Variants in HTR2C observed in about 807,000 individuals in gnomAD.
HTR2C encodes the protein 5-hydroxytryptamine receptor 2C, also known as 5-hydroxytryptamine (serotonin) receptor 2C, G protein-coupled.
Under a neutral mutation model 21.0 loss-of-function variants are expected in HTR2C, and 5 were observed. The ratio of observed to expected loss-of-function variants is 0.24; its 90% CI spans 0.12 to 0.50. The LOEUF (loss-of-function observed/expected upper bound fraction) is 0.50, where lower values mean the gene tolerates loss of function less well. HTR2C is among the 20% of genes least tolerant of loss of function. The probability of loss-of-function intolerance (pLI) is 0.98; values close to 1 mark genes in which losing one functional copy is unlikely to be tolerated. For synonymous variants in HTR2C, 150 were observed against 145.3 expected, an observed-to-expected ratio of 1.03 and a Z score of -0.23; for missense variants, 271 against 371.2, an observed-to-expected ratio of 0.73 and a Z score of 2.22.
intron 5 of HTR2C, among the ~76,000 whole-genome samples, chrX:114,851,141 A>T (rs1556469130): frequency 8.9e-6 from 1 of 111,969 alleles, no homozygotes; most frequent in Non-Finnish European, 1.9e-5. Context: ...AACTTCAGGG[A>T]CAGATAGACA....
intron 4 of HTR2C, among the ~76,000 whole-genome samples, chrX:114,817,461 A>G (rs1030431581): frequency 3.6e-5 from 4 of 112,235 alleles, no homozygotes; most frequent in African/African-American, 1.3e-4. Flanking sequence ...AAATTTACAG[A>G]AATTCTCTGA....
chrX:114,823,735 G>A (rs782720028), intron 4 of HTR2C, among the ~76,000 whole-genome samples: 2 of 111,642 alleles, frequency 1.8e-5, no homozygotes, highest in Admixed American at 1.9e-4. Context: ...CAGTGGGTAT[G>A]TGAGTGGATC....
intron 1 of HTR2C, among the ~76,000 whole-genome samples, chrX:114,589,416 C>CA (rs1927537601): frequency 9.0e-6 from 1 of 111,408 alleles, no homozygotes; most frequent in Admixed American, 9.6e-5. Flanking sequence ...ACTGGACAGG[C>CA]AGATGTTACT....
intron 1 of HTR2C, among the ~76,000 whole-genome samples, chrX:114,611,270 C>G (rs782010237): frequency 1.8e-5 from 2 of 112,005 alleles, no homozygotes; most frequent in East Asian, 5.7e-4. Context: ...TCATTCCCTC[C>G]CAGGGTACTT....
intron 5 of HTR2C, among the ~76,000 whole-genome samples, chrX:114,850,787 G>A (rs2070910674): frequency 9.0e-6 from 1 of 111,186 alleles, no homozygotes; most frequent in Non-Finnish European, 1.9e-5. Flanking sequence ...CTAATTATAT[G>A]AATTACTAAG....
intron 2 of HTR2C, among the ~76,000 whole-genome samples, chrX:114,677,318 T>A (rs1444759521): frequency 3.6e-5 from 4 of 111,319 alleles, no homozygotes; most frequent in Non-Finnish European, 5.7e-5. Flanking sequence ...ATTGGAATAA[T>A]CTAGATGAAA....
chrX:114,826,178 C>T (rs2070676728), intron 4 of HTR2C, among the ~76,000 whole-genome samples: 2 of 109,450 alleles, frequency 1.8e-5, no homozygotes, highest in African/African-American at 3.3e-5. Flanking sequence ...TCAGGTGATC[C>T]TCCTGCCTCA....
chrX:114,688,191 C>T (rs1931981998), intron 2 of HTR2C, among the ~76,000 whole-genome samples: 1 of 108,610 alleles, frequency 9.2e-6, no homozygotes, highest in Non-Finnish European at 1.9e-5. Flanking sequence ...TGTGGTGGCA[C>T]CTGCCTGTAA....
chrX:114,660,050 A>G (rs1177188497), intron 2 of HTR2C, among the ~76,000 whole-genome samples: 2 of 112,199 alleles, frequency 1.8e-5, no homozygotes, highest in African/African-American at 6.5e-5. Flanking sequence ...ATAGATAAGA[A>G]GTGAATTTAC....
intron 4 of HTR2C, among the ~76,000 whole-genome samples, chrX:114,812,109 C>A (rs190170519): frequency 2.7e-5 from 3 of 109,212 alleles, no homozygotes; most frequent in East Asian, 5.8e-4. Context: ...ACCCACCCCC[C>A]ACAACAGGAC....
intron 2 of HTR2C, among the ~76,000 whole-genome samples, chrX:114,619,273 AC>A (rs200637347): frequency 0.034 from 3,837 of 111,372 alleles, 171 homozygotes; most frequent in African/African-American, 0.12. Flanking sequence ...CTCCATTTCT[AC>A]AAACATCATA....
chrX:114,890,107 T>G (rs782289257), intron 5 of HTR2C, among the ~76,000 whole-genome samples: 1 of 112,117 alleles, frequency 8.9e-6, no homozygotes, highest in Non-Finnish European at 1.9e-5. Context: ...TTTCTTAGTA[T>G]GCAATTTCAA....
intron 1 of HTR2C, among the ~76,000 whole-genome samples, chrX:114,596,802 A>G (rs1042166335): frequency 9.8e-5 from 11 of 112,495 alleles, no homozygotes; most frequent in African/African-American, 3.2e-4. Flanking sequence ...CTATAAAATA[A>G]TTTCAAAAGA....
At chrX:114,757,015 A>T (rs1198627966) in intron 4 of HTR2C, among the ~76,000 whole-genome samples, 1 of 111,501 alleles carries the variant, frequency 9.0e-6, no homozygotes, top group Non-Finnish European at 1.9e-5. Flanking sequence ...GGAGACCTTG[A>T]TCTCTCTAGT....
chrX:114,794,678 C>T (rs1556444659), intron 4 of HTR2C, among the ~76,000 whole-genome samples: 1 of 108,243 alleles, frequency 9.2e-6, no homozygotes, highest in Non-Finnish European at 1.9e-5. Context: ...TTTCCAGTTT[C>T]ATCCATGTCC....
At chrX:114,652,681 G>T (rs782757553) in intron 2 of HTR2C, 2 of 375,934 alleles carry the variant, frequency 5.3e-6, no homozygotes, top group East Asian at 7.6e-5. Context: ...TTTGTTGAAA[G>T]AATAAATAAA....
At chrX:114,709,864 C>G (rs1354537871) in intron 2 of HTR2C, among the ~76,000 whole-genome samples, 2 of 111,552 alleles carry the variant, frequency 1.8e-5, no homozygotes, top group African/African-American at 3.3e-5. Flanking sequence ...CTTTCTACTG[C>G]ATTTAATTTT....
At chrX:114,623,906 G>GTTTTTTTTTTTTTT in intron 2 of HTR2C, among the ~76,000 whole-genome samples, 1 of 69,401 alleles carries the variant, frequency 1.4e-5, no homozygotes, top group Non-Finnish European at 2.5e-5. Context: ...TTTTGTTGTT[G>GTTTTTTTTTTTTTT]TTTTTTTTTT....
chrX:114,707,141 T>C (rs965425651), intron 2 of HTR2C, among the ~76,000 whole-genome samples: 1 of 112,101 alleles, frequency 8.9e-6, no homozygotes, highest in Non-Finnish European at 1.9e-5. Flanking sequence ...ATTATTCTTA[T>C]AACTTTAAGT....
Sources: allele counts gnomAD v4.1 joint callset (sites outside exome capture counted in the v4.1 genomes callset), GRCh38; gene constraint gnomAD v4.1.1; transcripts MANE v1.5; gene names NCBI Gene and HGNC (gene_info 2026-07-23, HGNC 2026-07-21).